Variants in SH3RF2 observed in about 807,000 individuals in gnomAD.
SH3RF2 encodes the protein E3 ubiquitin-protein ligase SH3RF2.
Under a neutral mutation model 59.0 loss-of-function variants are expected in SH3RF2, and 43 were observed. The ratio of observed to expected loss-of-function variants is 0.73; its 90% CI spans 0.57 to 0.94. The LOEUF (loss-of-function observed/expected upper bound fraction) is 0.94, where lower values mean the gene tolerates loss of function less well. Among genes scored for constraint, SH3RF2 ranks in the 40% least tolerant of loss-of-function variants. The probability of loss-of-function intolerance (pLI) is 0.00; values close to 1 mark genes in which losing one functional copy is unlikely to be tolerated. For missense variants in SH3RF2, 930 were observed against 940.1 expected (o/e 0.99, Z 0.14); for synonymous variants, 391 against 391.5 (o/e 1.00, Z 0.01).
rs1187457968 is a variant in SH3RF2 at position 146,069,226 on chromosome 5, T to G, written c.*33+6492T>G. Among the ~76,000 whole-genome samples, 4 of 152,218 alleles carry G rather than the reference T, an allele frequency of 2.6e-5. No homozygotes were observed. The East Asian group carries it at 7.7e-4, about 29-fold the overall frequency. On this transcript the variant is annotated intron_variant, in intron 9 of 9. Coordinates refer to the SH3RF2 transcript ENST00000511217. ...GCTTTGATTCATTGCTGGGAACTGA[T>G]TTTGATGCGCCAACATGTCTGGTTT...
chr5:146,009,476 T>C lies in SH3RF2; in HGVS notation c.745-4271T>C, dbSNP rs111711272. Among the ~76,000 whole-genome samples the C allele has an allele frequency of 9.8e-5, 15 of 152,350 alleles. 3 individuals carry two copies. Among genetic ancestry groups the C allele is most frequent in the African/African-American group, 3.6e-4 (15 of 41,586 alleles). Reference sequence around the variant, plus strand: ...TCAGAGTAGCTTATGGTGCCTCTTCTGGGCATATTCTTACCTCCATTTTCA... The same window carrying C: ...TCAGAGTAGCTTATGGTGCCTCTTCCGGGCATATTCTTACCTCCATTTTCA... On this transcript the variant is annotated intron_variant, in intron 4 of 9. Transcript: ENST00000359120.
chr5:146,059,130 G>A (rs921124428), intron 8 of SH3RF2, among the ~76,000 whole-genome samples: 1 of 152,174 alleles, frequency 6.6e-6, no homozygotes. Context: ...GAGAGGTGAC[G>A]TGACTTAACT....
chr5:145,972,620 C>A (rs911469543), intron 2 of SH3RF2, among the ~76,000 whole-genome samples: 1 of 152,200 alleles, frequency 6.6e-6, no homozygotes, highest in Non-Finnish European at 1.5e-5. Flanking sequence ...AAACTGAACA[C>A]TGACTCAAGA....
chr5:145,977,455 G>A (rs150590916), intron 2 of SH3RF2, among the ~76,000 whole-genome samples: 79 of 152,242 alleles, frequency 5.2e-4, no homozygotes, highest in African/African-American at 1.9e-3. Context: ...TCTGTACAAG[G>A]TACCCAGCCA....
intron 2 of SH3RF2, among the ~76,000 whole-genome samples, chr5:145,944,436 C>T (rs781275103): frequency 6.6e-6 from 1 of 151,154 alleles, no homozygotes; most frequent in Non-Finnish European, 1.5e-5. Context: ...GCTGCAGCCT[C>T]GAACTCCTGG....
rs778204767 is a variant in SH3RF2 at position 146,055,967 on chromosome 5, T to A, written c.1323-14T>A. On this transcript the variant is annotated splice_polypyrimidine_tract_variant and intron_variant, in intron 7 of 9. Transcript: ENST00000359120. Reference sequence around the variant, plus strand: ...TCTATTTCTTCTCTTAAAAAAAAAATTTTCCAAAACCAGAAAGACCTCTAG... The same window carrying A: ...TCTATTTCTTCTCTTAAAAAAAAAAATTTCCAAAACCAGAAAGACCTCTAG... The A allele has an allele frequency of 1.6e-5, 26 of 1,595,786 alleles. No individual in the cohort carries two copies. Among genetic ancestry groups the A allele is most frequent in the South Asian group, 4.6e-5 (4 of 87,646 alleles).
chr5:145,983,645 T>G (rs532289646), intron 2 of SH3RF2, among the ~76,000 whole-genome samples: 5 of 152,222 alleles, frequency 3.3e-5, no homozygotes, highest in Admixed American at 3.3e-4. Context: ...TTCAATGTTC[T>G]GAATAGGCAG....
At chr5:145,955,608 A>G (rs1758365943) in intron 2 of SH3RF2, among the ~76,000 whole-genome samples, 1 of 152,190 alleles carries the variant, frequency 6.6e-6, no homozygotes, top group African/African-American at 2.4e-5. Flanking sequence ...GGAAGAACAT[A>G]AAATGAGCTT....
chr5:145,949,001 C>T (rs547536783), intron 2 of SH3RF2, among the ~76,000 whole-genome samples: 65 of 152,286 alleles, frequency 4.3e-4, no homozygotes, highest in African/African-American at 1.3e-3. Flanking sequence ...CAAGAAACTG[C>T]GGTTAGATTA....
At chr5:146,031,621 A>G (rs1188726461) in intron 5 of SH3RF2, among the ~76,000 whole-genome samples, 3 of 152,226 alleles carry the variant, frequency 2.0e-5, no homozygotes, top group African/African-American at 7.2e-5. Context: ...CACAAAGGGT[A>G]TAAGGGGCAG....
downstream of SH3RF2, among the ~76,000 whole-genome samples, chr5:146,064,664 GAGAA>G (rs869196873): frequency 2.8e-3 from 12 of 4,250 alleles, no homozygotes; most frequent in African/African-American, 5.3e-3. Flanking sequence ...GAGAGAGAAA[GAGAA>G]AGAAAGAAAG....
At chr5:145,962,792 C>G (rs1304803701) in intron 2 of SH3RF2, among the ~76,000 whole-genome samples, 1 of 151,946 alleles carries the variant, frequency 6.6e-6, no homozygotes, top group Non-Finnish European at 1.5e-5. Flanking sequence ...ATACCTCCTC[C>G]ATTGTAACAC....
exon 10 of SH3RF2, chr5:146,080,958 CCTG>C (rs1763415436): frequency 6.6e-6 from 1 of 152,210 alleles, no homozygotes. Context: ...GCCACCTTGC[CCTG>C]CTAATTTTTT....
chr5:145,985,098 G>A (rs1370932862), intron 2 of SH3RF2, among the ~76,000 whole-genome samples: 1 of 152,162 alleles, frequency 6.6e-6, no homozygotes, highest in Non-Finnish European at 1.5e-5. Context: ...CCAGGCTTCA[G>A]TGAGCCATGG....
chr5:146,006,748 C>T (rs1464441356), intron 4 of SH3RF2, among the ~76,000 whole-genome samples: 4 of 152,182 alleles, frequency 2.6e-5, no homozygotes, highest in Admixed American at 6.5e-5. Context: ...TGGCAATAAA[C>T]GGCACCAAAG....
At chr5:146,005,575 G>A (rs1052228125) in intron 4 of SH3RF2, among the ~76,000 whole-genome samples, 1 of 152,172 alleles carries the variant, frequency 6.6e-6, no homozygotes, top group African/African-American at 2.4e-5. Flanking sequence ...GATGGAGGAA[G>A]GGTCCAGAGA....
chr5:145,938,988 T>C (rs1757706299), intron 2 of SH3RF2, among the ~76,000 whole-genome samples: 1 of 152,196 alleles, frequency 6.6e-6, no homozygotes, highest in Non-Finnish European at 1.5e-5. Context: ...GGGGCTGCAA[T>C]TAAAAAACCA....
intron 2 of SH3RF2, among the ~76,000 whole-genome samples, chr5:145,968,232 A>G (rs1758941457): frequency 6.6e-6 from 1 of 152,206 alleles, no homozygotes; most frequent in South Asian, 2.1e-4. Flanking sequence ...GGCTAACAAT[A>G]TTTATGCCCA....
At chr5:146,056,545 C>G (rs1762678836) in intron 8 of SH3RF2, among the ~76,000 whole-genome samples, 1 of 152,152 alleles carries the variant, frequency 6.6e-6, no homozygotes, top group Admixed American at 6.5e-5. Context: ...GCTTCTCAAA[C>G]TGTATTCCAA....
Sources: allele counts gnomAD v4.1 joint callset (sites outside exome capture counted in the v4.1 genomes callset), GRCh38; gene constraint gnomAD v4.1.1; transcripts MANE v1.5; gene names NCBI Gene and HGNC (gene_info 2026-07-23, HGNC 2026-07-21).